The following MAPK10 variants were observed in gnomAD, a reference collection of about 807,000 sequenced individuals.
MAPK10 encodes the protein mitogen-activated protein kinase 10, also known as JNK3 alpha protein kinase.
A neutral mutation model predicts 59.3 loss-of-function variants in MAPK10; 25 were observed. That is an observed-to-expected ratio of 0.42 (90% CI 0.31 to 0.59). The LOEUF is 0.59. Among genes scored for constraint, MAPK10 ranks in the 20% least tolerant of loss-of-function variants. The pLI is 0.15. For synonymous variants in MAPK10, 190 were observed against 200.5 expected, an observed-to-expected ratio of 0.95 and a Z score of 0.44; for missense variants, 351 against 568.9, an observed-to-expected ratio of 0.62 and a Z score of 3.90.
intron 1 of MAPK10, among the ~76,000 whole-genome samples, chr4:86,558,449 A>G (rs1465388604): frequency 6.6e-6 from 1 of 152,034 alleles, no homozygotes; most frequent in Non-Finnish European, 1.5e-5. Context: ...TTCCCTCTTT[A>G]TAGTTGAGGA....
intron 9 of MAPK10, among the ~76,000 whole-genome samples, chr4:86,088,261 A>C (rs2052359796): frequency 6.6e-6 from 1 of 152,180 alleles, no homozygotes. Flanking sequence ...TGCTCACTGC[A>C]GCTTTGACAC....
chr4:86,342,290 AG>A (rs1245260630), intron 2 of MAPK10, among the ~76,000 whole-genome samples: 10 of 152,320 alleles, frequency 6.6e-5, no homozygotes, highest in Middle Eastern at 3.4e-3. Flanking sequence ...GTTTACAATA[AG>A]GAAGACTTAG....
intron 2 of MAPK10, among the ~76,000 whole-genome samples, chr4:86,346,943 A>C (rs1310634012): frequency 6.6e-6 from 1 of 152,080 alleles, no homozygotes; most frequent in Non-Finnish European, 1.5e-5. Flanking sequence ...TATCTTTATT[A>C]AGATTTATAT....
intron 4 of MAPK10, among the ~76,000 whole-genome samples, chr4:86,135,313 A>G (rs55768004): frequency 6.6e-6 from 1 of 152,190 alleles, no homozygotes; most frequent in Admixed American, 6.5e-5. Flanking sequence ...AGAGCAGTGG[A>G]TCTCCCAGCA....
At chr4:86,123,075 A>T (rs1407088120) in intron 4 of MAPK10, among the ~76,000 whole-genome samples, 1 of 152,106 alleles carries the variant, frequency 6.6e-6, no homozygotes, top group Non-Finnish European at 1.5e-5. Flanking sequence ...CATGAAATCC[A>T]TGCATAACTT....
At chr4:86,383,338 C>A (rs1435047733) in intron 1 of MAPK10, among the ~76,000 whole-genome samples, 2 of 152,144 alleles carry the variant, frequency 1.3e-5, no homozygotes, top group African/African-American at 4.8e-5. Context: ...AAGTTTATGT[C>A]AGGATCTGTC....
At chr4:86,262,443 TG>T (rs2094030714) in intron 2 of MAPK10, among the ~76,000 whole-genome samples, 1 of 152,168 alleles carries the variant, frequency 6.6e-6, no homozygotes, top group Non-Finnish European at 1.5e-5. Flanking sequence ...AAAGACCCCC[TG>T]GCCCCCACCT....
intron 2 of MAPK10, among the ~76,000 whole-genome samples, chr4:86,272,672 T>C (rs540860408): frequency 1.8e-4 from 28 of 152,158 alleles, no homozygotes; most frequent in African/African-American, 6.5e-4. Context: ...AACTCTTGTC[T>C]GTATAAGAAT....
At chr4:86,550,118 T>A (rs979987566) in intron 1 of MAPK10, among the ~76,000 whole-genome samples, 2 of 151,982 alleles carry the variant, frequency 1.3e-5, no homozygotes, top group African/African-American at 4.8e-5. Context: ...CATCTTTATC[T>A]CAAACCTTCA....
intron 1 of MAPK10, among the ~76,000 whole-genome samples, chr4:86,576,785 A>C (rs1372624225): frequency 4.0e-5 from 6 of 151,732 alleles, no homozygotes; most frequent in African/African-American, 7.3e-5. Flanking sequence ...AAAAAAAAAA[A>C]ACAAAAAACC....
chr4:86,348,235 A>G (rs1192816491), intron 2 of MAPK10, among the ~76,000 whole-genome samples: 1 of 152,186 alleles, frequency 6.6e-6, no homozygotes, highest in South Asian at 2.1e-4. Flanking sequence ...CAGCACAGTA[A>G]TAAGCATATG....
intron 1 of MAPK10, among the ~76,000 whole-genome samples, chr4:86,507,845 C>T (rs1755918111): frequency 6.7e-6 from 1 of 149,976 alleles, no homozygotes; most frequent in African/African-American, 2.5e-5. Context: ...TGCACCAATG[C>T]CTGATAACAA....
chr4:86,581,439 T>A (rs1359167859), intron 1 of MAPK10, among the ~76,000 whole-genome samples: 2 of 152,168 alleles, frequency 1.3e-5, no homozygotes, highest in Non-Finnish European at 2.9e-5. Context: ...AGAAATATAA[T>A]AAAAATGTCA....
In MAPK10 at chr4:86,010,965, C is replaced by T. The variant is rs115919409; in HGVS notation, c.*6263G>A. On this transcript the variant is annotated 3_prime_UTR_variant, in exon 14 of 14. Transcript: ENST00000641462. ...TTAAGAAATAAAGCCACGTACCCCA[C>T]GGAGTGAAATTTGAATTCCTTAAAT... 2.6e-4 allele frequency: 40 copies of T among 152,252 alleles called. No individual in the cohort carries two copies. Among genetic ancestry groups the T allele is most frequent in the African/African-American group, 8.9e-4 (37 of 41,562 alleles). 9.4% of individuals were successfully genotyped at this position (152,252 alleles called of 1,614,324 possible).
intron 2 of MAPK10, among the ~76,000 whole-genome samples, chr4:86,243,495 C>A (rs1324354139): frequency 6.6e-6 from 1 of 152,176 alleles, no homozygotes; most frequent in Non-Finnish European, 1.5e-5. Context: ...CTAGCGACCT[C>A]TCAGAACTTG....
chr4:86,335,730 T>C lies in MAPK10; in HGVS notation c.-7+18800A>G, dbSNP rs183245214. 6.3e-3 allele frequency among the ~76,000 whole-genome samples: 959 copies of C among 152,248 alleles called. 7 individuals carry two copies. Among genetic ancestry groups the C allele is most frequent in the African/African-American group, 0.021 (861 of 41,536 alleles). On this transcript the variant is annotated intron_variant, in intron 2 of 13. Coordinates refer to ENST00000641462, the MANE Select transcript of MAPK10 (RefSeq NM_138982.4). Reference sequence around the variant, plus strand: ...GGAGGCCTCAGGAAACTTACAATCATGGCAGAAGGTGAAGGGGAAACAAGG... The same window carrying C: ...GGAGGCCTCAGGAAACTTACAATCACGGCAGAAGGTGAAGGGGAAACAAGG...
At chr4:86,403,049 T>C (rs547570710) in intron 1 of MAPK10, among the ~76,000 whole-genome samples, 1 of 152,258 alleles carries the variant, frequency 6.6e-6, no homozygotes, top group African/African-American at 2.4e-5. Context: ...TTAAATATAA[T>C]ATCAAGTGGT....
intron 2 of MAPK10, among the ~76,000 whole-genome samples, chr4:86,241,257 C>A (rs915770897): frequency 2.4e-4 from 36 of 152,252 alleles, no homozygotes; most frequent in African/African-American, 7.2e-4. Flanking sequence ...TTCTCTCTGG[C>A]TGCCCTTAAC....
intron 11 of MAPK10, among the ~76,000 whole-genome samples, chr4:86,038,098 T>A (rs1238831161): frequency 2.0e-5 from 3 of 152,238 alleles, no homozygotes; most frequent in East Asian, 3.8e-4. Context: ...AAACCAGATA[T>A]GAGAAATCTA....
Sources: allele counts gnomAD v4.1 joint callset (sites outside exome capture counted in the v4.1 genomes callset), GRCh38; gene constraint gnomAD v4.1.1; transcripts MANE v1.5; gene names NCBI Gene and HGNC (gene_info 2026-07-23, HGNC 2026-07-21).